UNC13C: variants seen among roughly 807,000 people sequenced by gnomAD.
UNC13C encodes the protein protein unc-13 homolog C.
In UNC13C, 174 loss-of-function variants were observed where a neutral mutation model predicts 245.4. That is an observed-to-expected ratio of 0.71 (90% CI 0.63 to 0.80). UNC13C has a LOEUF of 0.80. Ranked by LOEUF, UNC13C falls within the 30% of genes least tolerant of loss-of-function variation. UNC13C has a pLI of 0.00. For missense variants in UNC13C, 2,829 were observed against 2,602.9 expected (o/e 1.09, Z -1.89); for synonymous variants, 992 against 895.1 (o/e 1.11, Z -1.93).
the UNC13C span, among the ~76,000 whole-genome samples, chr15:53,905,245 C>T: frequency 6.6e-6 from 1 of 152,152 alleles, no homozygotes; most frequent in African/African-American, 2.4e-5. Flanking sequence ...ACAGAGCTAT[C>T]TCTACTCTCA....
chr15:53,857,089 C>G, the UNC13C span, among the ~76,000 whole-genome samples: 6 of 152,088 alleles, frequency 3.9e-5, no homozygotes, highest in African/African-American at 1.4e-4. Context: ...AACCACCGTG[C>G]CCGGCCCCAA....
chr15:53,849,197 AAAT>A, the UNC13C span, among the ~76,000 whole-genome samples: 13 of 151,848 alleles, frequency 8.6e-5, no homozygotes, highest in African/African-American at 7.2e-5. Context: ...TGAACATTTA[AAAT>A]TATTGTGATT....
the UNC13C span, among the ~76,000 whole-genome samples, chr15:53,887,509 T>G: frequency 6.6e-6 from 1 of 152,198 alleles, no homozygotes; most frequent in African/African-American, 2.4e-5. Flanking sequence ...TTTAATAAGT[T>G]GAAGACGTAT....
chr15:54,482,154 C>T (rs1029279407), intron 19 of UNC13C, among the ~76,000 whole-genome samples: 3 of 152,098 alleles, frequency 2.0e-5, no homozygotes, highest in Admixed American at 6.5e-5. Flanking sequence ...AGTGGAAACT[C>T]AGCTGCACTG....
chr15:54,146,337 C>T (rs538191208), intron 4 of UNC13C, among the ~76,000 whole-genome samples: 29 of 152,250 alleles, frequency 1.9e-4, no homozygotes, highest in African/African-American at 6.0e-4. Context: ...GAGAGCCAAA[C>T]GACATTCATC....
intron 17 of UNC13C, among the ~76,000 whole-genome samples, chr15:54,368,280 T>A (rs932150311): frequency 6.6e-6 from 1 of 152,152 alleles, no homozygotes; most frequent in Non-Finnish European, 1.5e-5. Context: ...TCTAATGGAA[T>A]TTGTTTTCTG....
At chr15:53,966,042 G>C in the UNC13C span, among the ~76,000 whole-genome samples, 36 of 152,158 alleles carry the variant, frequency 2.4e-4, no homozygotes, top group Admixed American at 2.0e-3. Context: ...TTTATCTATA[G>C]GTTTCCCCGT....
chr15:53,925,395 A>G, the UNC13C span, among the ~76,000 whole-genome samples: 1 of 152,214 alleles, frequency 6.6e-6, no homozygotes, highest in Non-Finnish European at 1.5e-5. Context: ...GTGTTTGGCA[A>G]CACAGCCTGT....
intron 7 of UNC13C, among the ~76,000 whole-genome samples, chr15:54,245,204 C>T (rs1001804618): frequency 5.3e-5 from 8 of 152,108 alleles, no homozygotes; most frequent in Non-Finnish European, 8.8e-5. Context: ...CACTTGTATA[C>T]ATTTTTATTG....
At chr15:54,158,522 T>C (rs955564786) in intron 4 of UNC13C, among the ~76,000 whole-genome samples, 35 of 152,146 alleles carry the variant, frequency 2.3e-4, no homozygotes, top group African/African-American at 8.2e-4. Flanking sequence ...GATTTCACTA[T>C]GTTAGCTAGG....
At chr15:53,919,307 T>C in the UNC13C span, among the ~76,000 whole-genome samples, 1 of 152,188 alleles carries the variant, frequency 6.6e-6, no homozygotes, top group African/African-American at 2.4e-5. Context: ...TGCTCAGTGA[T>C]GTGTCTGGCA....
chr15:53,979,600 A>G (rs1030911460), intron 1 of UNC13C, among the ~76,000 whole-genome samples: 1 of 152,174 alleles, frequency 6.6e-6, no homozygotes. Context: ...CATCATCAAT[A>G]TACTTGTATC....
intron 10 of UNC13C, among the ~76,000 whole-genome samples, chr15:54,271,075 TCTTA>T (rs763101974): frequency 3.9e-5 from 6 of 152,300 alleles, no homozygotes; most frequent in Admixed American, 6.5e-5. Context: ...ATTTTATTTA[TCTTA>T]CTTTAAAACA....
chr15:54,012,977 A>C lies in UNC13C; in HGVS notation c.74A>C (p.Lys25Thr). Residue 25 changes from lysine (K) to threonine (T), a missense_variant, in exon 2 of 33, where the codon AAA (lysine) becomes ACA (threonine). By Grantham distance (78) the Lys-to-Thr change is moderately conservative (BLOSUM62 -1). Coordinates refer to ENST00000260323, the MANE Select transcript of UNC13C (RefSeq NM_001080534.3). ...HKLCKGMFTK[K>T]LGNTNKNKEY... ...CTTTGCAAAGGAATGTTTACAAAGA[A>C]ATTGGGAAATACAAACAAAAACAAA... 1 of 1,613,830 alleles carries C rather than the reference A, an allele frequency of 6.2e-7. No individual in the cohort carries two copies. The highest frequency in any genetic ancestry group is 8.5e-7 in the Non-Finnish European group (1 of 1,179,820).
At chr15:54,210,379 C>G (rs2034843822) in intron 4 of UNC13C, among the ~76,000 whole-genome samples, 1 of 151,644 alleles carries the variant, frequency 6.6e-6, no homozygotes, top group African/African-American at 2.4e-5. Context: ...CAAGCATGGT[C>G]ATAAATGAGG....
chr15:54,294,595 T>C (rs548657701), intron 11 of UNC13C, among the ~76,000 whole-genome samples: 1 of 152,238 alleles, frequency 6.6e-6, no homozygotes, highest in Non-Finnish European at 1.5e-5. Flanking sequence ...TTTAAAAAAT[T>C]ATTATGGAAC....
At chr15:53,892,306 C>A in the UNC13C span, among the ~76,000 whole-genome samples, 1 of 152,178 alleles carries the variant, frequency 6.6e-6, no homozygotes, top group Admixed American at 6.5e-5. Context: ...CTGCCCTGAA[C>A]ATTTTTTTCT....
intron 25 of UNC13C, among the ~76,000 whole-genome samples, chr15:54,525,993 A>C (rs1348165511): frequency 6.6e-6 from 1 of 152,156 alleles, no homozygotes; most frequent in Non-Finnish European, 1.5e-5. Flanking sequence ...AAAGACAGGG[A>C]GGGAAGAAAA....
In UNC13C at chr15:54,065,752, A is replaced by G. The variant is rs191472019; in HGVS notation, c.2983+49866A>G. On this transcript the variant is annotated intron_variant, in intron 2 of 32. Transcript: ENST00000260323. ...GGCAAGAGCTAGTTCCATGGCCCCA[A>G]TCTAACTGCAAGTGAGACTGGGAAA... Among the ~76,000 whole-genome samples, 327 of 152,302 alleles carry G rather than the reference A, an allele frequency of 2.1e-3. 2 individuals carry two copies. The highest frequency in any genetic ancestry group is 2.9e-3 in the Non-Finnish European group (199 of 68,022).
Sources: gnomAD v4.1 joint callset for allele counts (sites outside exome capture counted in the v4.1 genomes callset) on GRCh38, gnomAD v4.1.1 for gene constraint, MANE v1.5 for transcripts, NCBI Gene and HGNC (gene_info 2026-07-23, HGNC 2026-07-21) for gene names.